Variants in STEAP1B observed in about 807,000 individuals in gnomAD.
STEAP1B encodes the protein STEAP family member 1B, also known as STEAP family protein MGC87042.
Under a neutral mutation model 27.9 loss-of-function variants are expected in STEAP1B, and 13 were observed. That is an observed-to-expected ratio of 0.47 (90% CI 0.30 to 0.74). STEAP1B has a LOEUF of 0.74. Ranked by LOEUF, STEAP1B falls within the 30% of genes least tolerant of loss-of-function variation. The pLI is 0.06. For missense variants in STEAP1B, 250 were observed against 298.7 expected, an observed-to-expected ratio of 0.84 and a Z score of 1.20; for synonymous variants, 86 against 107.1, an observed-to-expected ratio of 0.80 and a Z score of 1.22.
intron 2 of STEAP1B, among the ~76,000 whole-genome samples, chr7:22,494,468 A>T (rs1786402865): frequency 6.6e-6 from 1 of 152,018 alleles, no homozygotes; most frequent in Non-Finnish European, 1.5e-5. Flanking sequence ...GAGTGTTAGA[A>T]AGAATTGGAA....
intron 4 of STEAP1B, among the ~76,000 whole-genome samples, chr7:22,462,012 G>A (rs937821478): frequency 6.6e-6 from 1 of 152,098 alleles, no homozygotes; most frequent in Non-Finnish European, 1.5e-5. Flanking sequence ...TCTACTAATG[G>A]CCAAAACTCA....
chr7:22,493,628 A>G lies in STEAP1B; in HGVS notation c.293T>C (p.Leu98Ser), dbSNP rs747108881. 1.9e-6 allele frequency: 3 copies of G among 1,614,018 alleles called. No individual in the cohort carries two copies. Among genetic ancestry groups the G allele is most frequent in the Admixed American group, 1.7e-5 (1 of 60,016 alleles). The part of the protein sequence containing the change: ...YTLLREVIHP[L>S]ATSHQQYFYK... The stretch of plus-strand genomic sequence containing the variant: ...AAAATATTGTTGATGGGAAGTTGCT[A>G]AAGGGTGAATTACTTCCCTCAGAAG... Residue 98 changes from leucine to serine, a missense_variant, in exon 3 of 5, where the codon TTA becomes TCA. Coordinates refer to ENST00000678116, the MANE Select transcript of STEAP1B (RefSeq NM_001382447.1).
chr7:22,420,556 T>C (rs886068204), intron 4 of STEAP1B, among the ~76,000 whole-genome samples: 3 of 152,254 alleles, frequency 2.0e-5, no homozygotes, highest in Non-Finnish European at 2.9e-5. Context: ...CAAATCCGGC[T>C]TTGTTCTTCC....
chr7:22,466,699 C>T (rs751168527), intron 4 of STEAP1B, among the ~76,000 whole-genome samples: 5 of 152,202 alleles, frequency 3.3e-5, no homozygotes, highest in Non-Finnish European at 7.4e-5. Flanking sequence ...TTAAAAGTAA[C>T]ACAAGATGTA....
chr7:22,454,510 C>T (rs542257916), intron 4 of STEAP1B, among the ~76,000 whole-genome samples: 4 of 152,162 alleles, frequency 2.6e-5, no homozygotes, highest in African/African-American at 9.6e-5. Context: ...GAAAGAGTAA[C>T]CCAGAGAAGC....
chr7:22,492,829 TGATAACAG>T (rs1345282511), intron 3 of STEAP1B, 100 bp from the exon 4 acceptor site: 2 of 1,437,548 alleles, frequency 1.4e-6, no homozygotes, highest in Non-Finnish European at 1.8e-6. Context: ...TATGAAGCCC[TGATAACAG>T]GTCTCCACAA....
intron 4 of STEAP1B, among the ~76,000 whole-genome samples, chr7:22,454,328 G>C (rs1785536018): frequency 6.6e-6 from 1 of 152,114 alleles, no homozygotes; most frequent in African/African-American, 2.4e-5. Context: ...GATCTTATTG[G>C]AGAGTGCATA....
chr7:22,498,401 G>A (rs1786478885), intron 1 of STEAP1B, among the ~76,000 whole-genome samples: 2 of 152,172 alleles, frequency 1.3e-5, no homozygotes, highest in African/African-American at 4.8e-5. Flanking sequence ...GGGTGGGGGA[G>A]GGAGGTGCTA....
intron 4 of STEAP1B, among the ~76,000 whole-genome samples, chr7:22,463,764 T>C (rs1048248635): frequency 7.2e-5 from 11 of 152,050 alleles, no homozygotes; most frequent in South Asian, 2.1e-4. Context: ...TGTAGAAAGC[T>C]GAAACTGGAT....
intron 4 of STEAP1B, among the ~76,000 whole-genome samples, chr7:22,480,671 A>C (rs1222958211): frequency 6.6e-6 from 1 of 152,184 alleles, no homozygotes; most frequent in Non-Finnish European, 1.5e-5. Flanking sequence ...CAATCATGCT[A>C]TGGTGTTTCC....
chr7:22,491,410 TAATAG>T (rs957971078), intron 4 of STEAP1B, among the ~76,000 whole-genome samples: 12 of 152,182 alleles, frequency 7.9e-5, no homozygotes, highest in African/African-American at 2.9e-4. Flanking sequence ...TATGAATTCA[TAATAG>T]AATAAAGCAG....
At chr7:22,436,306 C>G (rs1785253466) in intron 4 of STEAP1B, among the ~76,000 whole-genome samples, 2 of 152,070 alleles carry the variant, frequency 1.3e-5, no homozygotes, top group South Asian at 2.1e-4. Flanking sequence ...TCCATGAAAC[C>G]ATCACCACAA....
At chr7:22,479,487 A>G (rs957342562) in intron 4 of STEAP1B, among the ~76,000 whole-genome samples, 2 of 152,170 alleles carry the variant, frequency 1.3e-5, no homozygotes, top group African/African-American at 2.4e-5. Flanking sequence ...ATCCTTGTAG[A>G]GTAACCTCCC....
intron 4 of STEAP1B, among the ~76,000 whole-genome samples, chr7:22,439,431 A>AT (rs567073002): frequency 1.4e-3 from 202 of 147,754 alleles, no homozygotes; most frequent in African/African-American, 2.6e-3. Flanking sequence ...TCCAATGAAG[A>AT]TTTTTTTTTT....
intron 4 of STEAP1B, among the ~76,000 whole-genome samples, chr7:22,429,401 T>C (rs1223332527): frequency 6.6e-6 from 1 of 152,196 alleles, no homozygotes; most frequent in African/African-American, 2.4e-5. Flanking sequence ...ATGTTGCATT[T>C]TTTTCAGAAG....
At chr7:22,464,965 G>C (rs369403589) in intron 4 of STEAP1B, among the ~76,000 whole-genome samples, 1 of 10,688 alleles carries the variant, frequency 9.4e-5, no homozygotes. Context: ...ATATATATAT[G>C]TAGGCACAAT....
intron 4 of STEAP1B, chr7:22,438,834 A>G (rs1231453022): frequency 7.1e-7 from 1 of 1,414,142 alleles, no homozygotes; most frequent in Non-Finnish European, 9.2e-7. Flanking sequence ...TAAGTGTATA[A>G]TGAGAAAACT....
chr7:22,430,133 A>T (rs1373702661), intron 4 of STEAP1B, among the ~76,000 whole-genome samples: 1 of 152,146 alleles, frequency 6.6e-6, no homozygotes, highest in African/African-American at 2.4e-5. Context: ...TGTTTACGTT[A>T]TTTTTTGTGA....
chr7:22,435,736 G>A (rs1201854096), intron 4 of STEAP1B, among the ~76,000 whole-genome samples: 1 of 152,196 alleles, frequency 6.6e-6, no homozygotes, highest in Non-Finnish European at 1.5e-5. Context: ...TACGCACCGT[G>A]GGCAGAGAGG....
Sources: gnomAD v4.1 joint callset for allele counts (sites outside exome capture counted in the v4.1 genomes callset) on GRCh38, gnomAD v4.1.1 for gene constraint, MANE v1.5 for transcripts, NCBI Gene and HGNC (gene_info 2026-07-23, HGNC 2026-07-21) for gene names.